The following DPT variants were observed in gnomAD, a reference collection of about 807,000 sequenced individuals.
DPT encodes tyrosine-rich acidic matrix protein.
A neutral mutation model predicts 31.2 loss-of-function variants in DPT; 21 were observed. That is an observed-to-expected ratio of 0.67 (90% CI 0.48 to 0.97). The LOEUF (loss-of-function observed/expected upper bound fraction) is 0.97, where lower values mean the gene tolerates loss of function less well. Ranked by LOEUF, DPT falls within the 50% of genes least tolerant of loss-of-function variation. The pLI is 0.00. For synonymous variants in DPT, 91 were observed against 86.9 expected (o/e 1.05, Z -0.26); for missense variants, 262 against 258.8 (o/e 1.01, Z -0.08).
chr1:168,722,487 C>T (rs1650139860), intron 1 of DPT, among the ~76,000 whole-genome samples: 1 of 152,144 alleles, frequency 6.6e-6, no homozygotes, highest in Non-Finnish European at 1.5e-5. Context: ...CAAGGACTTG[C>T]AATGTGCAGG....
chr1:168,707,536 G>A (rs1649749171), intron 2 of DPT, among the ~76,000 whole-genome samples: 3 of 152,144 alleles, frequency 2.0e-5, no homozygotes, highest in African/African-American at 4.8e-5. Flanking sequence ...TGAACATAAG[G>A]AGAGAGGTAT....
intron 2 of DPT, among the ~76,000 whole-genome samples, chr1:168,701,724 G>C (rs72689242): frequency 0.13 from 19,926 of 152,156 alleles, 1,557 homozygotes; most frequent in African/African-American, 0.22. Flanking sequence ...CCCAAAGGTA[G>C]AGTTTTTGCC....
chr1:168,702,612 C>CTT (rs10656421), intron 2 of DPT, among the ~76,000 whole-genome samples: 29,962 of 132,104 alleles, frequency 0.23, 3,991 homozygotes, highest in African/African-American at 0.32. Context: ...AGGTAAATGT[C>CTT]TTTTTTTTTT....
chr1:168,725,679 G>A (rs1378930734), intron 1 of DPT, among the ~76,000 whole-genome samples: 1 of 152,186 alleles, frequency 6.6e-6, no homozygotes, highest in Non-Finnish European at 1.5e-5. Context: ...TTGAAGAGGT[G>A]ATTTTCAACA....
intron 2 of DPT, among the ~76,000 whole-genome samples, chr1:168,712,061 G>A (rs952739841): frequency 5.9e-5 from 9 of 152,140 alleles, no homozygotes; most frequent in Non-Finnish European, 1.2e-4. Context: ...GTGGATATTT[G>A]TTCAACAGTT....
chr1:168,703,292 T>C (rs537377508), intron 2 of DPT, among the ~76,000 whole-genome samples: 1 of 152,336 alleles, frequency 6.6e-6, no homozygotes, highest in South Asian at 2.1e-4. Flanking sequence ...ATTTTTTAAG[T>C]TTTTACTGAC....
At chr1:168,696,659 C>A in intron 3 of DPT, 44 bp from the exon 4 acceptor site, 1 of 1,571,386 alleles carries the variant, frequency 6.4e-7, no homozygotes. Flanking sequence ...TGAGAAAGGA[C>A]ATGGCAGGAA....
chr1:168,699,358 C>T (rs973870953), intron 3 of DPT, among the ~76,000 whole-genome samples: 1 of 151,916 alleles, frequency 6.6e-6, no homozygotes. Flanking sequence ...TCATGTCATC[C>T]AGCTATTTAT....
At position 168,696,498 on chromosome 1, in the gene DPT, C is replaced by T. The variant is rs1263073664; in HGVS notation, c.*51G>A. On this transcript the variant is annotated 3_prime_UTR_variant, in exon 4 of 4. Coordinates refer to ENST00000367817, the MANE Select transcript of DPT (RefSeq NM_001937.5). ...AACTGATGTTAACATATGTGGACAC[C>T]CTCCTGTCCCCGGCCCCTTTCCTTT... 1.3e-5 allele frequency: 19 copies of T among 1,444,770 alleles called. No homozygotes were observed. Among genetic ancestry groups the T allele is most frequent in the Admixed American group, 1.9e-5 (1 of 52,098 alleles). The allele number at this position is 1,444,770 out of a possible 1,614,324, so 89.5% of individuals were successfully genotyped here.
At chr1:168,709,296 T>C (rs149395048) in intron 2 of DPT, among the ~76,000 whole-genome samples, 317 of 152,318 alleles carry the variant, frequency 2.1e-3, no homozygotes, top group African/African-American at 7.2e-3. Flanking sequence ...ACAAACAATG[T>C]CTAAAGGGTT....
intron 2 of DPT, among the ~76,000 whole-genome samples, chr1:168,711,038 T>G (rs1463817857): frequency 6.6e-6 from 1 of 150,986 alleles, no homozygotes; most frequent in Non-Finnish European, 1.5e-5. Flanking sequence ...TGAGTCAGAG[T>G]CTTGCTCTGT....
chr1:168,718,014 T>A (rs1283319295), intron 1 of DPT, among the ~76,000 whole-genome samples: 1 of 152,206 alleles, frequency 6.6e-6, no homozygotes, highest in African/African-American at 2.4e-5. Flanking sequence ...TAAGCAAAAC[T>A]CATATGTGTC....
At chr1:168,699,184 A>G (rs1649531332) in intron 3 of DPT, among the ~76,000 whole-genome samples, 1 of 152,190 alleles carries the variant, frequency 6.6e-6, no homozygotes, top group Non-Finnish European at 1.5e-5. Context: ...AACAGGGAAC[A>G]TAGAACTAAT....
chr1:168,696,221 G>T lies in DPT; in HGVS notation c.*328C>A, dbSNP rs138297447. ...CTTGCAGTTCATTCTGCAGTAAAAA[G>T]CAGTAGCCAGGCTGCAGCTGGTGCT... On this transcript the variant is annotated 3_prime_UTR_variant, in exon 4 of 4. Transcript: ENST00000367817. 6.4e-4 allele frequency: 276 copies of T among 433,716 alleles called. No homozygotes were observed. Among genetic ancestry groups the T allele is most frequent in the African/African-American group, 5.3e-3 (264 of 49,596 alleles). The allele number at this position is 433,716 out of a possible 1,614,324, so 26.9% of individuals were successfully genotyped here. A position where few individuals can be genotyped will look rare whatever the true frequency, so the allele number is the denominator to read the frequency against.
rs536721440 is a variant in DPT, at chr1:168,714,403, C to T, written c.306-57G>A. ...ACAGTGACACATACACAGACCCCTT[C>T]CCAAGACCCCACTGCCACAGTTACA... On this transcript the variant is annotated intron_variant, in intron 1 of 3. Coordinates refer to ENST00000367817, the MANE Select transcript of DPT (RefSeq NM_001937.5). 8 of 1,605,546 alleles carry T rather than the reference C, an allele frequency of 5.0e-6. No homozygotes were observed. The East Asian group carries it at 1.6e-4, about 31-fold the overall frequency.
Position 168,705,480 on chromosome 1 carries a change from GA to G in DPT, c.432-4357del, listed in dbSNP as rs898346791. On this transcript the variant is annotated intron_variant, in intron 2 of 3. Transcript: ENST00000367817. Reference sequence around the variant, plus strand: ...CACAGACTCCCTACCATAAAAACTGGAAAAAAACCCCAGCATTTACATATGA... The same window carrying G: ...CACAGACTCCCTACCATAAAAACTGGAAAAAACCCCAGCATTTACATATGA... 2.7e-4 allele frequency among the ~76,000 whole-genome samples: 41 copies of G among 151,948 alleles called. 2 individuals carry two copies. Among genetic ancestry groups the G allele is most frequent in the Admixed American group, 2.7e-3 (41 of 15,260 alleles).
At chr1:168,727,486 C>G (rs1650275031) in intron 1 of DPT, among the ~76,000 whole-genome samples, 1 of 152,076 alleles carries the variant, frequency 6.6e-6, no homozygotes, top group Non-Finnish European at 1.5e-5. Context: ...CCATCATCAC[C>G]TCTCTACTGG....
At chr1:168,728,778 T>C in intron 1 of DPT, 92 bp downstream of exon 1, 1 of 1,494,256 alleles carries the variant, frequency 6.7e-7, no homozygotes. Context: ...AGGCTTTGGT[T>C]ACTGATATTC....
At chr1:168,698,054 C>T (rs949621295) in intron 3 of DPT, among the ~76,000 whole-genome samples, 10 of 152,196 alleles carry the variant, frequency 6.6e-5, no homozygotes, top group Non-Finnish European at 1.3e-4. Context: ...TCTCCCTTTT[C>T]AATCTGCAAG....
Sources: allele counts gnomAD v4.1 joint callset (sites outside exome capture counted in the v4.1 genomes callset), GRCh38; gene constraint gnomAD v4.1.1; transcripts MANE v1.5; gene names NCBI Gene and HGNC (gene_info 2026-07-23, HGNC 2026-07-21).